The following BPIFC variants were observed in gnomAD, a reference collection of about 807,000 sequenced individuals.
The protein encoded by BPIFC is BPI fold containing family C, also known as BPI fold-containing family C protein.
BPIFC carries 60 observed loss-of-function variants against 57.6 expected under a neutral mutation model. The ratio of observed to expected loss-of-function variants is 1.04; its 90% confidence interval spans 0.85 to 1.29. The LOEUF (loss-of-function observed/expected upper bound fraction) is 1.29, where lower values mean the gene tolerates loss of function less well. Among genes scored for constraint, BPIFC ranks in the 50% most tolerant of loss-of-function variants. The pLI, the probability that BPIFC is intolerant of heterozygous loss-of-function variation, is 0.00. For synonymous variants in BPIFC, 243 were observed against 224.5 expected, an observed-to-expected ratio of 1.08 and a Z score of -0.74; for missense variants, 581 against 600.5, an observed-to-expected ratio of 0.97 and a Z score of 0.34.
At chr22:32,429,547 C>T (rs551239484) in intron 13 of BPIFC, among the ~76,000 whole-genome samples, 7 of 136,598 alleles carry the variant, frequency 5.1e-5, no homozygotes, top group Admixed American at 7.9e-5. Flanking sequence ...CATGAAGTCC[C>T]GCTCTGTTGC....
intron 8 of BPIFC, among the ~76,000 whole-genome samples, chr22:32,442,255 T>C (rs1601468386): frequency 6.6e-6 from 1 of 152,094 alleles, no homozygotes; most frequent in Non-Finnish European, 1.5e-5. Flanking sequence ...AAGTAGGAGA[T>C]GGGGTGTGGT....
chr22:32,432,098 T>C (rs1037409565), intron 12 of BPIFC, among the ~76,000 whole-genome samples: 2 of 152,062 alleles, frequency 1.3e-5, no homozygotes, highest in African/African-American at 4.8e-5. Flanking sequence ...CCACCACACC[T>C]GGCTAATTCA....
intron 2 of BPIFC, among the ~76,000 whole-genome samples, chr22:32,459,850 C>CAAAAT (rs10627673): frequency 0.32 from 46,553 of 147,686 alleles, 8,401 homozygotes; most frequent in African/African-American, 0.49. Flanking sequence ...GATCCTGTCT[C>CAAAAT]AAAATAAAAT....
intron 1 of BPIFC, among the ~76,000 whole-genome samples, chr22:32,463,682 G>A (rs541428295): frequency 6.6e-6 from 1 of 152,256 alleles, no homozygotes; most frequent in East Asian, 1.9e-4. Flanking sequence ...AAACTAGAAG[G>A]GTATTCCGAC....
At chr22:32,425,675 G>T (rs1186849653) in intron 13 of BPIFC, among the ~76,000 whole-genome samples, 1 of 152,064 alleles carries the variant, frequency 6.6e-6, no homozygotes, top group Admixed American at 6.6e-5. Context: ...GCCAAGCCCG[G>T]TGCCTCTGTC....
chr22:32,446,100 T>A, intron 5 of BPIFC, 104 bp from the exon 6 acceptor site: 1 of 1,373,424 alleles, frequency 7.3e-7, no homozygotes, highest in Non-Finnish European at 9.9e-7. Context: ...TGCAGTGACT[T>A]TGTCATGTTC....
intron 3 of BPIFC, among the ~76,000 whole-genome samples, chr22:32,456,334 T>C (rs1935036373): frequency 6.6e-6 from 1 of 152,190 alleles, no homozygotes. Flanking sequence ...CTGCACTAGA[T>C]GATGTACTAG....
At chr22:32,449,118 T>C (rs1211766729) in intron 4 of BPIFC, among the ~76,000 whole-genome samples, 1 of 152,174 alleles carries the variant, frequency 6.6e-6, no homozygotes, top group African/African-American at 2.4e-5. Flanking sequence ...TGAAGTCATA[T>C]ATAAGTGGCA....
intron 10 of BPIFC, among the ~76,000 whole-genome samples, chr22:32,434,323 C>G (rs990963148): frequency 1.4e-5 from 2 of 147,624 alleles, no homozygotes; most frequent in Non-Finnish European, 3.0e-5. Context: ...ATATTACACT[C>G]TGTGTACATA....
At chr22:32,417,792 C>T (rs1260590111) in intron 14 of BPIFC, among the ~76,000 whole-genome samples, 3 of 152,132 alleles carry the variant, frequency 2.0e-5, no homozygotes, top group Non-Finnish European at 4.4e-5. Flanking sequence ...GAATCTCGGC[C>T]ACAGGAGTTC....
At chr22:32,445,723 A>AAG (rs1934707528) in intron 6 of BPIFC, 25 bp from the exon 7 acceptor site, 1 of 1,512,732 alleles carries the variant, frequency 6.6e-7, no homozygotes, top group East Asian at 2.3e-5. Flanking sequence ...GAAAAAAAAA[A>AAG]AAAAAAAAAA....
At chr22:32,424,794 T>C (rs1257293045) in intron 13 of BPIFC, among the ~76,000 whole-genome samples, 6 of 138,144 alleles carry the variant, frequency 4.3e-5, no homozygotes, top group Admixed American at 3.0e-4. Flanking sequence ...TCTTCCTTTT[T>C]TTTTGAGACG....
Position 32,417,189 on chromosome 22 carries a change from C to CTT in BPIFC, c.1261-43_1261-42dup, listed in dbSNP as rs5844996. The CTT allele has an allele frequency of 6.3e-3, 6,100 of 975,998 alleles. 9 individuals carry two copies. Among genetic ancestry groups the CTT allele is most frequent in the Non-Finnish European group, 7.5e-3 (5,030 of 667,230 alleles). 60.5% of individuals were successfully genotyped at this position (975,998 alleles called of 1,614,324 possible). A position where few individuals can be genotyped will look rare whatever the true frequency, so the allele number is the denominator to read the frequency against. On this transcript the variant is annotated intron_variant, in intron 14 of 16. Transcript: ENST00000300399. ...AAATAGAATCAATTGGCAGATCGGGCTTTTTTTTTTTTTTTTTGCTTTGTT... is the reference window on the plus strand; with the variant it reads ...AAATAGAATCAATTGGCAGATCGGGCTTTTTTTTTTTTTTTTTTTGCTTTGTT...
rs760713579 is a variant in BPIFC, at chr22:32,433,753, T to C, written c.944A>G (p.Gln315Arg). 30 of 1,613,930 alleles carry C rather than the reference T, an allele frequency of 1.9e-5. No homozygotes were observed. In the Middle Eastern group the frequency reaches 4.9e-4, roughly 27 times the overall value. ...STEEISNHFV[Q>R]NSQGLGNVLS... ...CACGTTGCCAAGGCCTTGAGAGTTT[T>C]GAACAAAATGGTTGGAAATCTGGAA... Residue 315 changes from glutamine to arginine, a missense_variant, in exon 11 of 17, where the codon CAA becomes CGA. Coordinates refer to ENST00000300399, the MANE Select transcript of BPIFC (RefSeq NM_174932.3).
At position 32,445,948 on chromosome 22, in the gene BPIFC, G is replaced by A. The variant is rs374335233; in HGVS notation, c.423C>T (p.Thr141=). The A allele has an allele frequency of 1.6e-5, 26 of 1,613,954 alleles. No homozygotes were observed. The highest frequency in any genetic ancestry group is 1.3e-4 in the African/African-American group (10 of 74,890). Residue 141 remains threonine (T), a synonymous_variant, in exon 6 of 17, where the codon ACC becomes ACT. Coordinates refer to ENST00000300399, the MANE Select transcript of BPIFC (RefSeq NM_174932.3). ...ADLFLSGVYF[T]GIIILTRNDF... ...CATTTCGGGTTAGGATAATGATACC[G>A]GTAAAGTAGACTCCGGAGAGAAACA... is the stretch of plus-strand genomic sequence containing the variant.
chr22:32,445,652 T>C lies in BPIFC; in HGVS notation c.577A>G (p.Lys193Glu), dbSNP rs771686444. 6.4e-7 allele frequency: 1 copy of C among 1,560,890 alleles called. No homozygotes were observed. Among genetic ancestry groups the C allele is most frequent in the Admixed American group, 1.9e-5 (1 of 53,816 alleles). The change falls in exon 7 of 17, where the codon AAG (lysine) becomes GAG (glutamate). Residue 193 changes from lysine to glutamate, a missense_variant. Lys to Glu is a moderately conservative substitution (Grantham distance 56). Coordinates refer to ENST00000300399, the MANE Select transcript of BPIFC (RefSeq NM_174932.3). ...AGACTCACCATTTCATTTAAGTTCT[T>C]TAAAATGGGTTTCTCCATGGGCTCA... ...FAEPMEKPIL[K>E]NLNEMLCPII... is the part of the protein sequence containing the mutation.
At chr22:32,458,118 G>T (rs1204937459) in intron 2 of BPIFC, among the ~76,000 whole-genome samples, 1 of 151,984 alleles carries the variant, frequency 6.6e-6, no homozygotes, top group Admixed American at 6.6e-5. Flanking sequence ...TGTAAACGCC[G>T]AAGTCATTTT....
At chr22:32,464,168 T>A (rs950504564) in intron 1 of BPIFC, among the ~76,000 whole-genome samples, 1 of 152,186 alleles carries the variant, frequency 6.6e-6, no homozygotes, top group African/African-American at 2.4e-5. Flanking sequence ...TAGCTGTCAC[T>A]AAAGCTTTTG....
At chr22:32,461,728 T>C in intron 1 of BPIFC, 67 bp from the exon 2 acceptor site, 1 of 797,810 alleles carries the variant, frequency 1.3e-6, no homozygotes, top group Non-Finnish European at 1.5e-6. Flanking sequence ...CTCAGGTTAG[T>C]GGCTGCTGAC....
Sources: allele counts gnomAD v4.1 joint callset (sites outside exome capture counted in the v4.1 genomes callset), GRCh38; gene constraint gnomAD v4.1.1; transcripts MANE v1.5; gene names NCBI Gene and HGNC (gene_info 2026-07-23, HGNC 2026-07-21).